The following AHNAK variants were observed in gnomAD, a reference collection of about 807,000 sequenced individuals.
The protein encoded by AHNAK is neuroblast differentiation-associated protein AHNAK.
A neutral mutation model predicts 37.8 loss-of-function variants in AHNAK; 23 were observed. That is an observed-to-expected ratio of 0.61 (90% confidence interval 0.44 to 0.86). The LOEUF (loss-of-function observed/expected upper bound fraction) is 0.86. Among genes scored for constraint, AHNAK ranks in the 40% least tolerant of loss-of-function variants. The pLI is 0.00. For synonymous variants in AHNAK, 2,481 were observed against 2,636.3 expected, an observed-to-expected ratio of 0.94 and a Z score of 1.80; for missense variants, 7,411 against 7,319.4, an observed-to-expected ratio of 1.01 and a Z score of -0.46.
intron 5 of AHNAK, among the ~76,000 whole-genome samples, chr11:62,476,755 G>A (rs1214288073): frequency 6.6e-6 from 1 of 152,160 alleles, no homozygotes; most frequent in Non-Finnish European, 1.5e-5. Flanking sequence ...AACTGTCGAT[G>A]ACCGGTGGTT....
intron 5 of AHNAK, among the ~76,000 whole-genome samples, chr11:62,488,579 T>C (rs1468979888): frequency 1.3e-5 from 2 of 151,008 alleles, no homozygotes; most frequent in Non-Finnish European, 2.9e-5. Context: ...TTTTTTTTTT[T>C]TTTTGTATTT....
chr11:62,503,775 C>T (rs982834811), intron 4 of AHNAK, among the ~76,000 whole-genome samples: 1 of 152,118 alleles, frequency 6.6e-6, no homozygotes, highest in Non-Finnish European at 1.5e-5. Context: ...TTACTTCAAA[C>T]TAAGAGCAGT....
Position 62,525,128 on chromosome 11 carries a change from C to A in AHNAK, c.9289G>T (p.Asp3097Tyr). Residue 3097 changes from aspartate to tyrosine, a missense_variant, in exon 5 of 5, where the codon GAT (aspartate) becomes TAT (tyrosine). Physicochemically the swap from Asp to Tyr is radical, Grantham distance 160 (BLOSUM62 -3). Transcript: ENST00000378024. ...KAPKISMPDIDLNLKGPKVKG... is the reference protein window; with the variant it reads ...KAPKISMPDIYLNLKGPKVKG... Reference sequence around the variant, plus strand: ...ACTTTGGGACCTTTCAGGTTAAGATCAATGTCAGGCATGGAGATCTTGGGG... The same window carrying A: ...ACTTTGGGACCTTTCAGGTTAAGATAAATGTCAGGCATGGAGATCTTGGGG... 1 of 1,614,142 alleles carries A rather than the reference C, an allele frequency of 6.2e-7. No individual in the cohort carries two copies. Among genetic ancestry groups the A allele is most frequent in the Non-Finnish European group, 8.5e-7 (1 of 1,180,030 alleles).
intron 5 of AHNAK, among the ~76,000 whole-genome samples, chr11:62,438,775 T>C (rs1938235656): frequency 1.3e-5 from 2 of 152,270 alleles, no homozygotes; most frequent in African/African-American, 4.8e-5. Flanking sequence ...CTCTGCTCCT[T>C]TTAGTCTTGC....
In AHNAK at chr11:62,526,905, T is replaced by A; in HGVS notation, c.7512A>T (p.Pro2504=). The part of the protein sequence containing the change: ...VDVNAPDVQA[P]DWHLKMPKMK... ...TCTTGGGCATCTTCAGGTGCCAGTCTGGAGCTTGGACATCGGGGGCATTTA... is the reference window on the plus strand; with the variant it reads ...TCTTGGGCATCTTCAGGTGCCAGTCAGGAGCTTGGACATCGGGGGCATTTA... Residue 2504 remains proline (P), a synonymous_variant, in exon 5 of 5, where the codon CCA becomes CCT. Transcript: ENST00000378024. The A allele has an allele frequency of 6.2e-7, 1 of 1,614,236 alleles. No individual in the cohort carries two copies. The highest frequency in any genetic ancestry group is 8.5e-7 in the Non-Finnish European group (1 of 1,180,046).
rs779633313 is a variant in AHNAK, at chr11:62,517,035, G to C, written c.17382C>G (p.Thr5794=). Residue 5794 remains threonine, a synonymous_variant, in exon 5 of 5, where the codon ACC becomes ACG. Transcript: ENST00000378024. ...SDEREFSGPS[T]PTGTLEFEGG... ...CTTCAAACTCCAGCGTCCCCGTCGG[G>C]GTGGAAGGTCCAGAGAACTCTCTTT... is the stretch of plus-strand genomic sequence containing the variant. 1.2e-6 allele frequency: 2 copies of C among 1,614,162 alleles called. No individual in the cohort carries two copies. Among genetic ancestry groups the C allele is most frequent in the Non-Finnish European group, 1.7e-6 (2 of 1,180,028 alleles).
intron 5 of AHNAK, among the ~76,000 whole-genome samples, chr11:62,485,526 C>T (rs1340234215): frequency 1.3e-5 from 2 of 151,758 alleles, no homozygotes; most frequent in Non-Finnish European, 2.9e-5. Flanking sequence ...CACGGTGAAA[C>T]CCCGTCTCTA....
chr11:62,533,167 G>T lies in AHNAK; in HGVS notation c.1250C>A (p.Ala417Asp), dbSNP rs1202797348. 2 of 1,535,108 alleles carry T rather than the reference G, an allele frequency of 1.3e-6. No individual in the cohort carries two copies. Among genetic ancestry groups the T allele is most frequent in the African/African-American group, 1.4e-5 (1 of 71,856 alleles). The change falls in exon 5 of 5, where the codon GCC (alanine) becomes GAC (aspartate). Residue 417 changes from alanine (A) to aspartate (D), a missense_variant. Coordinates refer to ENST00000378024, the MANE Select transcript of AHNAK (RefSeq NM_001620.3). ...SITGPSVEVQAPDIDVQGPGS... is the reference protein window; with the variant it reads ...SITGPSVEVQDPDIDVQGPGS... The stretch of plus-strand genomic sequence containing the variant: ...AGGCCCCTGAACATCAATGTCAGGG[G>T]CCTGAACTTCCACACTGGGGCCAGT...
chr11:62,452,315 A>C (rs1403417521), intron 5 of AHNAK, among the ~76,000 whole-genome samples: 1 of 152,200 alleles, frequency 6.6e-6, no homozygotes, highest in Non-Finnish European at 1.5e-5. Flanking sequence ...AGGCTAAGGA[A>C]GTGCACCCAG....
At chr11:62,510,496 C>T (rs577085131) in intron 4 of AHNAK, among the ~76,000 whole-genome samples, 16 of 152,088 alleles carry the variant, frequency 1.1e-4, no homozygotes, top group East Asian at 9.7e-4. Flanking sequence ...GTAATCCCAG[C>T]ACTTTGGGAG....
intron 5 of AHNAK, among the ~76,000 whole-genome samples, chr11:62,464,241 A>C (rs997914498): frequency 1.3e-5 from 2 of 150,336 alleles, no homozygotes; most frequent in African/African-American, 4.9e-5. Context: ...GGGGCGGTGT[A>C]GAGACAGACT....
chr11:62,452,843 G>T (rs1007229065), intron 5 of AHNAK, among the ~76,000 whole-genome samples: 1 of 152,046 alleles, frequency 6.6e-6, no homozygotes, highest in African/African-American at 2.4e-5. Flanking sequence ...TGGCCAACAC[G>T]GTGAAACCTT....
chr11:62,502,047 T>C (rs549918316), intron 4 of AHNAK, among the ~76,000 whole-genome samples: 1 of 152,322 alleles, frequency 6.6e-6, no homozygotes, highest in South Asian at 2.1e-4. Flanking sequence ...TTGGGGTGTC[T>C]TCTCCTCTTC....
Position 62,517,325 on chromosome 11 carries a change from C to T in AHNAK, c.17092G>A (p.Gly5698Ser), listed in dbSNP as rs115240146. 4.5e-5 allele frequency: 73 copies of T among 1,614,170 alleles called. No individual in the cohort carries two copies. The highest frequency in any genetic ancestry group is 3.4e-4 in the South Asian group (31 of 91,082). ...EASIQAGAGDGEWEESEVKLK... is the reference protein window; with the variant it reads ...EASIQAGAGDSEWEESEVKLK... ...TTGACTTCAGACTCTTCCCACTCGC[C>T]GTCTCCAGCACCAGCTTGGATGCTG... is the stretch of plus-strand genomic sequence containing the variant. Residue 5698 changes from glycine (G) to serine (S), a missense_variant, in exon 5 of 5, where the codon GGC becomes AGC. Physicochemically the swap from Gly to Ser is moderately conservative, Grantham distance 56 (BLOSUM62 0). Transcript: ENST00000378024.
At chr11:62,471,524 CTG>C (rs1175694319) in intron 5 of AHNAK, among the ~76,000 whole-genome samples, 1 of 152,226 alleles carries the variant, frequency 6.6e-6, no homozygotes, top group Non-Finnish European at 1.5e-5. Flanking sequence ...AGAATTTTGA[CTG>C]TGACCTGTCA....
chr11:62,466,082 G>A (rs1054255141), intron 5 of AHNAK, among the ~76,000 whole-genome samples: 4 of 152,104 alleles, frequency 2.6e-5, no homozygotes, highest in African/African-American at 9.7e-5. Context: ...CACTTTGGGA[G>A]GCCGAGGCGA....
At chr11:62,486,354 T>A (rs189870324) in intron 5 of AHNAK, among the ~76,000 whole-genome samples, 1 of 152,106 alleles carries the variant, frequency 6.6e-6, no homozygotes, top group African/African-American at 2.4e-5. Flanking sequence ...ATGCCTGTAA[T>A]CCCAGCTACT....
intron 4 of AHNAK, among the ~76,000 whole-genome samples, chr11:62,503,885 G>T (rs1411924389): frequency 6.6e-6 from 1 of 152,188 alleles, no homozygotes; most frequent in Non-Finnish European, 1.5e-5. Context: ...TCCAGGCCGG[G>T]CGTGGTGGCT....
chr11:62,525,236 C>G lies in AHNAK; in HGVS notation c.9181G>C (p.Asp3061His), dbSNP rs1482174257. Residue 3061 changes from aspartate (D) to histidine (H), a missense_variant, in exon 5 of 5, where the codon GAT (aspartate) becomes CAT (histidine). Physicochemically the swap from Asp to His is moderately conservative, Grantham distance 81. Coordinates refer to ENST00000378024, the MANE Select transcript of AHNAK (RefSeq NM_001620.3). ...CCTTCGATATTCACATCTGGAACAT[C>G]AATGTCCACCTTGGGTCCTGAGACA... ...LDVSGPKVDI[D>H]VPDVNIEGPE... 4 of 1,611,358 alleles carry G rather than the reference C, an allele frequency of 2.5e-6. No individual in the cohort carries two copies. Among genetic ancestry groups the G allele is most frequent in the Non-Finnish European group, 2.5e-6 (3 of 1,179,456 alleles).
Sources: allele counts gnomAD v4.1 joint callset (sites outside exome capture counted in the v4.1 genomes callset), GRCh38; gene constraint gnomAD v4.1.1; transcripts MANE v1.5; gene names NCBI Gene and HGNC (gene_info 2026-07-23, HGNC 2026-07-21).